Variants in TMEM132B observed in about 807,000 individuals in gnomAD.
TMEM132B encodes transmembrane protein 132B.
Under a neutral mutation model 90.8 loss-of-function variants are expected in TMEM132B, and 18 were observed. The ratio of observed to expected loss-of-function variants is 0.20; its 90% CI spans 0.14 to 0.29. The LOEUF is 0.29. TMEM132B is among the 10% of genes least tolerant of loss of function. TMEM132B has a pLI of 1.00. For synonymous variants in TMEM132B, 504 were observed against 523.3 expected, an observed-to-expected ratio of 0.96 and a Z score of 0.50; for missense variants, 1,096 against 1,326.8, an observed-to-expected ratio of 0.83 and a Z score of 2.70.
intron 1 of TMEM132B, among the ~76,000 whole-genome samples, chr12:125,334,767 A>G (rs549097943): frequency 1.3e-5 from 2 of 152,366 alleles, no homozygotes; most frequent in African/African-American, 2.4e-5. Context: ...AACAGCAGAC[A>G]AGCATATTGC....
intron 1 of TMEM132B, among the ~76,000 whole-genome samples, chr12:125,293,032 G>T (rs1875582245): frequency 6.6e-6 from 1 of 152,234 alleles, no homozygotes; most frequent in Non-Finnish European, 1.5e-5. Flanking sequence ...CTTAAGCCCA[G>T]GTCATGGGTT....
At chr12:125,296,512 G>A (rs1875676664) in intron 1 of TMEM132B, among the ~76,000 whole-genome samples, 2 of 152,132 alleles carry the variant, frequency 1.3e-5, no homozygotes, top group African/African-American at 4.8e-5. Context: ...TGCCAATTGG[G>A]CACCACCTGC....
At chr12:125,535,806 G>C (rs1252922599) in intron 4 of TMEM132B, among the ~76,000 whole-genome samples, 1 of 152,156 alleles carries the variant, frequency 6.6e-6, no homozygotes, top group Non-Finnish European at 1.5e-5. Context: ...GGTGATGGTT[G>C]TAAGGTCCCA....
chr12:125,241,347 TCA>T (rs1441726024), intron 1 of TMEM132B, among the ~76,000 whole-genome samples: 1 of 152,164 alleles, frequency 6.6e-6, no homozygotes, highest in Non-Finnish European at 1.5e-5. Context: ...GGAGGCAAGA[TCA>T]CAGGTCCTGC....
chr12:125,529,150 T>C (rs1191566722), intron 4 of TMEM132B, among the ~76,000 whole-genome samples: 1 of 152,140 alleles, frequency 6.6e-6, no homozygotes, highest in African/African-American at 2.4e-5. Flanking sequence ...AGTGGCACAA[T>C]CACAGCTCAC....
intron 1 of TMEM132B, among the ~76,000 whole-genome samples, chr12:125,317,098 A>AT (rs1420870980): frequency 1.3e-5 from 2 of 152,118 alleles, no homozygotes; most frequent in Admixed American, 6.5e-5. Flanking sequence ...ACCCCTTGTT[A>AT]TCCCGATCCT....
chr12:125,628,670 A>G (rs1462269064), intron 5 of TMEM132B, among the ~76,000 whole-genome samples: 1 of 151,944 alleles, frequency 6.6e-6, no homozygotes, highest in African/African-American at 2.4e-5. Context: ...CCATTTGCCC[A>G]TTTTTGCTTT....
rs754798237 is a variant in TMEM132B, at chr12:125,408,497, C to T, written c.960-7034C>T. On this transcript the variant is annotated intron_variant, in intron 2 of 8. Transcript: ENST00000682704. This position sits in a 1 kb window ranked among gnomAD's most constrained non-coding sequence, Gnocchi z 5.9. ...ATCTATAAAAAAGCAAGCTCTCACC[C>T]GGCACTGAAACTGCTGACATCTTGC... Among the ~76,000 whole-genome samples, 7 of 152,216 alleles carry T rather than the reference C, an allele frequency of 4.6e-5. No homozygotes were observed. Among genetic ancestry groups the T allele is most frequent in the African/African-American group, 7.2e-5 (3 of 41,454 alleles).
chr12:125,553,684 A>G (rs1884297124), intron 4 of TMEM132B, among the ~76,000 whole-genome samples: 1 of 131,062 alleles, frequency 7.6e-6, no homozygotes, highest in African/African-American at 2.5e-5. Context: ...TAGGGAGAAT[A>G]TTTTAATTCT....
rs1555230823 is a variant in TMEM132B, at chr12:125,188,864, A to AAG, written c.67+1999_67+2000insGA. On this transcript the variant is annotated intron_variant, in intron 1 of 8. Transcript: ENST00000682704. ...TTAGGAGGGATGGCAAAAAAAAAAAAAAAAAAAAAGAAAAAAAGAAATTCC... is the reference window on the plus strand; with the variant it reads ...TTAGGAGGGATGGCAAAAAAAAAAAAAGAAAAAAAAAGAAAAAAAGAAATTCC... Among the ~76,000 whole-genome samples, 391 of 148,210 alleles carry AAG rather than the reference A, an allele frequency of 2.6e-3. 4 individuals are homozygous for AAG. Among genetic ancestry groups the AAG allele is most frequent in the African/African-American group, 9.4e-3 (378 of 40,132 alleles).
intron 2 of TMEM132B, among the ~76,000 whole-genome samples, chr12:125,377,358 G>T (rs1025294176): frequency 6.6e-6 from 1 of 152,196 alleles, no homozygotes; most frequent in African/African-American, 2.4e-5. Flanking sequence ...GGGAACTTTG[G>T]ATTGTGGGCT....
chr12:125,649,595 G>A (rs916357186), intron 6 of TMEM132B, among the ~76,000 whole-genome samples: 12 of 152,180 alleles, frequency 7.9e-5, no homozygotes, highest in Non-Finnish European at 1.5e-4. Context: ...GTGCTGCGTG[G>A]GCGATGGATG....
chr12:125,544,324 A>G (rs1243935076), intron 4 of TMEM132B, among the ~76,000 whole-genome samples: 1 of 152,210 alleles, frequency 6.6e-6, no homozygotes, highest in Non-Finnish European at 1.5e-5. Flanking sequence ...CATCCTGCCC[A>G]TGTACCCCGG....
chr12:125,631,934 A>G (rs1018802603), intron 5 of TMEM132B, among the ~76,000 whole-genome samples: 1 of 152,070 alleles, frequency 6.6e-6, no homozygotes, highest in African/African-American at 2.4e-5. Flanking sequence ...TAAAAAATCC[A>G]TTTAGCCACT....
chr12:125,427,764 T>G (rs1306158793), intron 3 of TMEM132B, among the ~76,000 whole-genome samples: 1 of 152,186 alleles, frequency 6.6e-6, no homozygotes, highest in African/African-American at 2.4e-5. Flanking sequence ...CAAGTGGCAT[T>G]GAGATTCCAA....
In TMEM132B at chr12:125,650,822, C is replaced by T; in HGVS notation, c.1783C>T (p.Leu595=). Residue 595 remains leucine (L), a synonymous_variant, in exon 7 of 9, where the codon CTG becomes TTG. Coordinates refer to ENST00000682704, the MANE Select transcript of TMEM132B (RefSeq NM_001366854.1). ...TGACTTAGGGCAGCTGACCTACATGCTGGGCCCCGACTGGCAGTTTGACAT... is the reference window on the plus strand; with the variant it reads ...TGACTTAGGGCAGCTGACCTACATGTTGGGCCCCGACTGGCAGTTTGACAT... ...SPDLGQLTYM[L]GPDWQFDITD... 1 of 1,614,230 alleles carries T rather than the reference C, an allele frequency of 6.2e-7. No homozygotes were observed. Among genetic ancestry groups the T allele is most frequent in the Non-Finnish European group, 8.5e-7 (1 of 1,180,052 alleles).
intron 6 of TMEM132B, among the ~76,000 whole-genome samples, chr12:125,648,010 G>A (rs1332308581): frequency 1.4e-5 from 2 of 146,278 alleles, no homozygotes; most frequent in East Asian, 2.0e-4. Context: ...CCACTAACTC[G>A]TCATCTAGCA....
intron 1 of TMEM132B, among the ~76,000 whole-genome samples, chr12:125,220,886 C>G (rs1473085859): frequency 6.6e-6 from 1 of 152,232 alleles, no homozygotes; most frequent in Non-Finnish European, 1.5e-5. Context: ...GCCTCTCCTG[C>G]CTTACTCACT....
intron 1 of TMEM132B, among the ~76,000 whole-genome samples, chr12:125,331,780 G>C (rs150964136): frequency 2.0e-5 from 3 of 152,306 alleles, no homozygotes; most frequent in Non-Finnish European, 4.4e-5. Context: ...TGGAGATGCG[G>C]TGTTGCTCTG....
Sources: allele counts gnomAD v4.1 joint callset (sites outside exome capture counted in the v4.1 genomes callset), GRCh38; gene constraint gnomAD v4.1.1; non-coding constraint Gnocchi (gnomAD v3.1); transcripts MANE v1.5; gene names NCBI Gene and HGNC (gene_info 2026-07-23, HGNC 2026-07-21).